Variants in HS3ST3A1 observed in about 807,000 individuals in gnomAD.
HS3ST3A1 encodes heparan sulfate glucosamine 3-O-sulfotransferase 3A1.
HS3ST3A1 carries 19 observed loss-of-function variants against 25.7 expected under a neutral mutation model. The ratio of observed to expected loss-of-function variants is 0.74; its 90% CI spans 0.52 to 1.08. HS3ST3A1 has a LOEUF of 1.08. Among genes scored for constraint, HS3ST3A1 ranks in the 50% least tolerant of loss-of-function variants. The pLI is 0.00. For synonymous variants in HS3ST3A1, 226 were observed against 278.6 expected (o/e 0.81, Z 1.88); for missense variants, 459 against 594.3 (o/e 0.77, Z 2.37).
intron 1 of HS3ST3A1, among the ~76,000 whole-genome samples, chr17:13,552,240 C>T (rs1412073396): frequency 6.6e-6 from 1 of 152,140 alleles, no homozygotes; most frequent in Non-Finnish European, 1.5e-5. Context: ...CCACCACACC[C>T]TGCTAATTTT....
chr17:13,552,681 A>G (rs1048251263), intron 1 of HS3ST3A1, among the ~76,000 whole-genome samples: 1 of 152,180 alleles, frequency 6.6e-6, no homozygotes, highest in Non-Finnish European at 1.5e-5. Context: ...TGAACCCAAA[A>G]TGATTAACTG....
intron 1 of HS3ST3A1, among the ~76,000 whole-genome samples, chr17:13,536,784 A>C (rs529019255): frequency 7.2e-5 from 11 of 152,302 alleles, no homozygotes; most frequent in African/African-American, 2.6e-4. Context: ...AGATCACCAT[A>C]CTTAGAAGGG....
intron 1 of HS3ST3A1, among the ~76,000 whole-genome samples, chr17:13,536,956 G>T (rs1316956783): frequency 2.0e-5 from 3 of 152,166 alleles, no homozygotes; most frequent in South Asian, 4.1e-4. Context: ...CAGACTCCTT[G>T]TCCAATACTT....
At chr17:13,584,699 C>T (rs1420974550) in intron 1 of HS3ST3A1, among the ~76,000 whole-genome samples, 1 of 152,120 alleles carries the variant, frequency 6.6e-6, no homozygotes, top group Non-Finnish European at 1.5e-5. Flanking sequence ...CATATAGGTG[C>T]AGTAACCAGG....
chr17:13,551,470 C>T (rs560029945), intron 1 of HS3ST3A1, among the ~76,000 whole-genome samples: 154 of 152,000 alleles, frequency 1.0e-3, no homozygotes, highest in Middle Eastern at 6.8e-3. Context: ...ACTCACACAG[C>T]AATTGATAGA....
intron 1 of HS3ST3A1, among the ~76,000 whole-genome samples, chr17:13,541,390 A>C (rs35865369): frequency 0.098 from 14,797 of 151,464 alleles, 857 homozygotes; most frequent in Non-Finnish European, 0.14. Context: ...TAAAGACCCC[A>C]TTTCCACCTC....
At chr17:13,558,283 T>C (rs746714946) in intron 1 of HS3ST3A1, among the ~76,000 whole-genome samples, 12 of 151,752 alleles carry the variant, frequency 7.9e-5, no homozygotes, top group Non-Finnish European at 1.6e-4. Flanking sequence ...AGTGAGACAC[T>C]GTCTCTAAAA....
intron 1 of HS3ST3A1, among the ~76,000 whole-genome samples, chr17:13,530,238 G>A (rs1400091774): frequency 6.6e-6 from 1 of 152,142 alleles, no homozygotes; most frequent in African/African-American, 2.4e-5. Context: ...AGAGGAAATT[G>A]CAAGGATCAT....
At chr17:13,599,643 T>G (rs1292656227) in intron 1 of HS3ST3A1, among the ~76,000 whole-genome samples, 1 of 152,232 alleles carries the variant, frequency 6.6e-6, no homozygotes, top group Non-Finnish European at 1.5e-5. Context: ...ACTAGCTTTA[T>G]TAGAATCTGG....
intron 1 of HS3ST3A1, among the ~76,000 whole-genome samples, chr17:13,564,937 G>T (rs150667833): frequency 1.6e-4 from 24 of 152,108 alleles, no homozygotes; most frequent in African/African-American, 5.8e-4. Flanking sequence ...GGCCAGGCTG[G>T]TCGCAAACTC....
intron 1 of HS3ST3A1, among the ~76,000 whole-genome samples, chr17:13,525,109 T>C (rs1906369741): frequency 6.6e-6 from 1 of 152,224 alleles, no homozygotes; most frequent in South Asian, 2.1e-4. Context: ...CTCGCAAGTC[T>C]GGTAAGTCAG....
intron 1 of HS3ST3A1, among the ~76,000 whole-genome samples, chr17:13,539,192 G>A (rs759047809): frequency 2.6e-5 from 4 of 152,192 alleles, no homozygotes; most frequent in Non-Finnish European, 1.5e-5. Context: ...GAAGCTGTCA[G>A]GGCTCTAAGT....
At position 13,585,186 on chromosome 17, in the gene HS3ST3A1, C is replaced by CTTTTTTTTTTTTTTTTTTTTTTTTTTTTT. The variant is rs71144977; in HGVS notation, c.599+15316_599+15344dup. On this transcript the variant is annotated intron_variant, in intron 1 of 1. Transcript: ENST00000284110. ...CAATCTAAATACTCATTTTTCTGTG[C>CTTTTTTTTTTTTTTTTTTTTTTTTTTTTT]TTTTTTTTTTTTTTTTTTTTTTTTT... Among the ~76,000 whole-genome samples the CTTTTTTTTTTTTTTTTTTTTTTTTTTTTT allele has an allele frequency of 2.1e-4, 7 of 33,248 alleles. 2 individuals carry two copies. The highest frequency in any genetic ancestry group is 2.6e-4 in the Non-Finnish European group (5 of 19,114). The allele number at this position is 33,248 out of a possible 152,430, so 21.8% of individuals were successfully genotyped here. A position where few individuals can be genotyped will look rare whatever the true frequency, so the allele number is the denominator to read the frequency against.
At chr17:13,519,435 G>A (rs1373826725) in intron 1 of HS3ST3A1, among the ~76,000 whole-genome samples, 1 of 152,132 alleles carries the variant, frequency 6.6e-6, no homozygotes, top group East Asian at 1.9e-4. Flanking sequence ...TGAGATCATT[G>A]AGATAATGAT....
chr17:13,511,681 T>G (rs575174689), intron 1 of HS3ST3A1, among the ~76,000 whole-genome samples: 1 of 151,348 alleles, frequency 6.6e-6, no homozygotes, highest in South Asian at 2.1e-4. Flanking sequence ...AGCTGAAGCA[T>G]GGTACTGATT....
chr17:13,558,025 T>C (rs868769532), intron 1 of HS3ST3A1, among the ~76,000 whole-genome samples: 11 of 152,150 alleles, frequency 7.2e-5, no homozygotes, highest in Admixed American at 7.2e-4. Context: ...CCATAAGACC[T>C]GGGAGCAGAT....
At chr17:13,543,937 T>C (rs1249254667) in intron 1 of HS3ST3A1, among the ~76,000 whole-genome samples, 1 of 152,156 alleles carries the variant, frequency 6.6e-6, no homozygotes, top group Non-Finnish European at 1.5e-5. Context: ...ACTAAGTAGC[T>C]CATTATCTTG....
At position 13,496,435 on chromosome 17, in the gene HS3ST3A1, T is replaced by C. The variant is rs972017756; in HGVS notation, c.983A>G (p.Asp328Gly). The change falls in exon 2 of 2, where the codon GAC becomes GGC. Residue 328 changes from aspartate to glycine, a missense_variant. Coordinates refer to ENST00000284110, the MANE Select transcript of HS3ST3A1 (RefSeq NM_006042.3). The part of the protein sequence containing the change: ...DPAGELGRVQ[D>G]FLGLKRIITD... ...GATGATCCTCTTGAGGCCCAGGAAG[T>C]CTTGCACGCGGCCCAGCTCCCCGGC... 4.4e-6 allele frequency: 6 copies of C among 1,352,104 alleles called. No homozygotes were observed. Among genetic ancestry groups the C allele is most frequent in the African/African-American group, 1.5e-5 (1 of 66,244 alleles). The allele number at this position is 1,352,104 out of a possible 1,614,324, so 83.8% of individuals were successfully genotyped here. A position where few individuals can be genotyped will look rare whatever the true frequency, so the allele number is the denominator to read the frequency against.
intron 1 of HS3ST3A1, among the ~76,000 whole-genome samples, chr17:13,497,833 G>C (rs2030138847): frequency 6.6e-6 from 1 of 152,078 alleles, no homozygotes; most frequent in South Asian, 2.1e-4. Flanking sequence ...GGATTATATT[G>C]TATCTTTAAT....
Sources: allele counts gnomAD v4.1 joint callset (sites outside exome capture counted in the v4.1 genomes callset), GRCh38; gene constraint gnomAD v4.1.1; transcripts MANE v1.5; gene names NCBI Gene and HGNC (gene_info 2026-07-23, HGNC 2026-07-21).